Variants in NPIPB5 observed in about 807,000 individuals in gnomAD.
NPIPB5 encodes the protein nuclear pore complex interacting protein family member B5.
For synonymous variants in NPIPB5, 1 was observed against 168.2 expected, an observed-to-expected ratio of 0.01 and a Z score of 7.69; for missense variants, 10 against 414.7, an observed-to-expected ratio of 0.02 and a Z score of 8.48.
chr16:22,528,517 CTTTTTT>C (rs1194681081), intron 4 of NPIPB5, among the ~76,000 whole-genome samples: 1 of 72,274 alleles, frequency 1.4e-5, no homozygotes, highest in Admixed American at 1.7e-4. Context: ...CACAGCCAGC[CTTTTTT>C]TTTTTTTTTT....
At chr16:22,517,903 C>T (rs1464313452) in intron 1 of NPIPB5, among the ~76,000 whole-genome samples, 1 of 140,074 alleles carries the variant, frequency 7.1e-6, no homozygotes, top group Non-Finnish European at 1.6e-5. Context: ...TTTGTTAACC[C>T]TGTTTTTTGT....
At chr16:22,517,864 A>G (rs2049800997) in intron 1 of NPIPB5, among the ~76,000 whole-genome samples, 1 of 131,468 alleles carries the variant, frequency 7.6e-6, no homozygotes, top group Non-Finnish European at 1.6e-5. Flanking sequence ...ACATGGCTGC[A>G]GCATATAAAA....
intron 4 of NPIPB5, among the ~76,000 whole-genome samples, chr16:22,528,691 A>ACTTTTTT (rs2049838929): frequency 3.9e-5 from 1 of 25,342 alleles, no homozygotes; most frequent in Non-Finnish European, 8.1e-5. Flanking sequence ...ACATTTGACC[A>ACTTTTTT]ATTTTTTTTT....
chr16:22,514,835 T>TAC (rs776660903), intron 1 of NPIPB5, among the ~76,000 whole-genome samples: 4,218 of 21,988 alleles, frequency 0.19, 580 homozygotes, highest in South Asian at 0.2. Flanking sequence ...TTTATATAGA[T>TAC]ACACACACAC....
chr16:22,528,517 C>CTTTTTTT (rs1194681081), intron 4 of NPIPB5, among the ~76,000 whole-genome samples: 1 of 72,276 alleles, frequency 1.4e-5, no homozygotes, highest in Non-Finnish European at 2.6e-5. Context: ...CACAGCCAGC[C>CTTTTTTT]TTTTTTTTTT....
chr16:22,528,691 A>ATTTTTTTTT (rs2049838929), intron 4 of NPIPB5, among the ~76,000 whole-genome samples: 3 of 25,344 alleles, frequency 1.2e-4, no homozygotes, highest in African/African-American at 4.7e-4. Context: ...ACATTTGACC[A>ATTTTTTTTT]ATTTTTTTTT....
At chr16:22,510,918 G>A (rs1317844100), upstream of NPIPB5, among the ~76,000 whole-genome samples, 1 of 15,448 alleles carries the variant, frequency 6.5e-5, no homozygotes, top group Non-Finnish European at 8.7e-5. Flanking sequence ...TCACCCAGGC[G>A]GGAGTGCAGT....
chr16:22,527,618 C>T, exon 3 of NPIPB5: 1 of 8,850 alleles, frequency 1.1e-4, no homozygotes, highest in Non-Finnish European at 2.2e-4. Context: ...GATGGATCCA[C>T]GGATGTACAG....
chr16:22,510,454 C>G (rs2049774370), upstream of NPIPB5, among the ~76,000 whole-genome samples: 1 of 7,930 alleles, frequency 1.3e-4, no homozygotes. Flanking sequence ...GAAACCCTGT[C>G]TCTACTAAAA....
chr16:22,514,891 C>CACACAT lies in NPIPB5; in HGVS notation c.120+975_120+976insTACACA, dbSNP rs1567382428. Among the ~76,000 whole-genome samples the CACACAT allele has an allele frequency of 1.6e-4, 7 of 43,830 alleles. 1 individual carries two copies. The African/African-American group carries it at 1.8e-3, about 11-fold the overall frequency. 28.8% of individuals were successfully genotyped at this position (43,830 alleles called of 152,430 possible). A position where few individuals can be genotyped will look rare whatever the true frequency, so the allele number is the denominator to read the frequency against. On this transcript the variant is annotated intron_variant, in intron 1 of 6. Coordinates refer to ENST00000424340, the Ensembl canonical transcript of NPIPB5. Reference sequence around the variant, plus strand: ...ACACACACACACACACACACACACACACACACACATATTTTTTGAGACAGA... The same window carrying CACACAT: ...ACACACACACACACACACACACACACACACATACACACACATATTTTTTGAGACAGA...
chr16:22,517,697 T>A (rs1205421655), intron 1 of NPIPB5, among the ~76,000 whole-genome samples: 28 of 23,126 alleles, frequency 1.2e-3, no homozygotes, highest in African/African-American at 4.4e-3. Context: ...TGTGCCACCA[T>A]GCCTGGCTAA....
Position 22,527,683 on chromosome 16 carries a change from T to G in NPIPB5, c.349+18T>G, listed in dbSNP as rs1408340095. On this transcript the variant is annotated intron_variant, in intron 3 of 6. Coordinates refer to ENST00000424340, the Ensembl canonical transcript of NPIPB5. ...ACAGGAAGGTATGGCTCTGTTGGAATCCGCATAGTGTGGAAATGAGTTTGC... is the reference window on the plus strand; with the variant it reads ...ACAGGAAGGTATGGCTCTGTTGGAAGCCGCATAGTGTGGAAATGAGTTTGC... 2 of 22,622 alleles carry G rather than the reference T, an allele frequency of 8.8e-5. No individual in the cohort carries two copies. The highest frequency in any genetic ancestry group is 2.6e-4 in the South Asian group (1 of 3,906). 1.4% of individuals were successfully genotyped at this position (22,622 alleles called of 1,614,324 possible).
At chr16:22,514,885 C>CAG (rs1221935296) in intron 1 of NPIPB5, among the ~76,000 whole-genome samples, 1 of 43,846 alleles carries the variant, frequency 2.3e-5, no homozygotes, top group Non-Finnish European at 3.6e-5. Flanking sequence ...CACACACACA[C>CAG]ACACACACAC....
chr16:22,534,300 A>C, exon 7 of NPIPB5: 1 of 392,250 alleles, frequency 2.5e-6, no homozygotes, highest in Admixed American at 5.8e-5. Flanking sequence ...CTCCCCTTCC[A>C]CCCTCAGCTC....
exon 3 of NPIPB5, chr16:22,527,628 G>A: frequency 9.0e-5 from 1 of 11,138 alleles, no homozygotes; most frequent in Non-Finnish European, 1.7e-4. Context: ...CGGATGTACA[G>A]CAGAGAGCCT....
Position 22,517,931 on chromosome 16 carries a change from T to G in NPIPB5, c.120+4010T>G, listed in dbSNP as rs556518428. On this transcript the variant is annotated intron_variant, in intron 1 of 6. Coordinates refer to ENST00000424340, the Ensembl canonical transcript of NPIPB5. ...TTTTTTGTTTGTAGTTGTTGCTGTT[T>G]TTGAGACAGAGTCTCGCTCTGTCGC... 6.0e-4 allele frequency among the ~76,000 whole-genome samples: 84 copies of G among 139,756 alleles called. 3 individuals are homozygous for G. Among genetic ancestry groups the G allele is most frequent in the South Asian group, 5.5e-3 (23 of 4,174 alleles). The allele number at this position is 139,756 out of a possible 152,430, so 91.7% of individuals were successfully genotyped here. A position where few individuals can be genotyped will look rare whatever the true frequency, so the allele number is the denominator to read the frequency against.
In NPIPB5 at chr16:22,528,517, CTT is replaced by C. The variant is rs1194681081; in HGVS notation, c.545+566_545+567del. ...AGAGGCGTGAGCCACCACAGCCAGCCTTTTTTTTTTTTTTTTTTTTTTTAATT... is the reference window on the plus strand; with the variant it reads ...AGAGGCGTGAGCCACCACAGCCAGCCTTTTTTTTTTTTTTTTTTTTTAATT... On this transcript the variant is annotated intron_variant, in intron 4 of 6. Coordinates refer to ENST00000424340, the Ensembl canonical transcript of NPIPB5. Among the ~76,000 whole-genome samples, 10 of 72,284 alleles carry C rather than the reference CTT, an allele frequency of 1.4e-4. No individual in the cohort carries two copies. In the South Asian group the frequency reaches 1.7e-3, roughly 12 times the overall value. The allele number at this position is 72,284 out of a possible 152,430, so 47.4% of individuals were successfully genotyped here.
At chr16:22,517,950 C>CT (rs1310662027) in intron 1 of NPIPB5, among the ~76,000 whole-genome samples, 1 of 137,050 alleles carries the variant, frequency 7.3e-6, no homozygotes, top group African/African-American at 2.7e-5. Flanking sequence ...GAGTCTCGCT[C>CT]TGTCGCCTAG....
intron 1 of NPIPB5, among the ~76,000 whole-genome samples, chr16:22,518,077 G>A (rs1365979035): frequency 6.7e-5 from 3 of 44,882 alleles, no homozygotes; most frequent in Non-Finnish European, 8.5e-5. Flanking sequence ...CACCACACCC[G>A]GCTAATTTTT....
Sources: allele counts gnomAD v4.1 joint callset (sites outside exome capture counted in the v4.1 genomes callset), GRCh38; gene constraint gnomAD v4.1.1; transcripts MANE v1.5; gene names NCBI Gene and HGNC (gene_info 2026-07-23, HGNC 2026-07-21).